Variants in ARHGEF18 observed in about 807,000 individuals in gnomAD.
ARHGEF18 encodes the protein Rho/Rac guanine nucleotide exchange factor 18.
Under a neutral mutation model 155.7 loss-of-function variants are expected in ARHGEF18, and 93 were observed. The observed-to-expected ratio is 0.60, with a 90% confidence interval of 0.50 to 0.71. The LOEUF (loss-of-function observed/expected upper bound fraction) is 0.71, where lower values mean the gene tolerates loss of function less well. ARHGEF18 is among the 30% of genes least tolerant of loss of function. ARHGEF18 has a pLI of 0.00. For synonymous variants in ARHGEF18, 742 were observed against 753.1 expected (o/e 0.99, Z 0.24); for missense variants, 1,593 against 1,816.1 (o/e 0.88, Z 2.23).
intron 10 of ARHGEF18, among the ~76,000 whole-genome samples, chr19:7,412,324 G>A (rs75361499): frequency 1.7e-4 from 6 of 34,704 alleles, no homozygotes; most frequent in Admixed American, 4.3e-4. Context: ...CTATGCTAGG[G>A]TTTTTAGGAA....
At chr19:7,477,204 A>G (rs1599200871), downstream of ARHGEF18, 1 of 1,490,522 alleles carries the variant, frequency 6.7e-7, no homozygotes, top group Admixed American at 2.6e-5. Context: ...CGGCAGTGTC[A>G]GGGGGTAGTG....
chr19:7,367,994 A>G (rs533618479), intron 2 of ARHGEF18, among the ~76,000 whole-genome samples: 2,311 of 75,378 alleles, frequency 0.031, 177 homozygotes, highest in African/African-American at 0.15. Flanking sequence ...AGAGAGAGAG[A>G]GAGAGAGGGA....
At position 7,358,215 on chromosome 19, in the gene ARHGEF18, T is replaced by TTCCA. The variant is rs151337455; in HGVS notation, c.-110-4541_-110-4538dup. On this transcript the variant is annotated intron_variant, in intron 1 of 28. Coordinates refer to ENST00000668164, the MANE Select transcript of ARHGEF18 (RefSeq NM_001367823.1). The stretch of plus-strand genomic sequence containing the variant: ...CAGCCAACTCTTCAACCATCCATCC[T>TTCCA]TCCATCCATCCATCCATCCATCCAT... Among the ~76,000 whole-genome samples, 346 of 142,854 alleles carry TTCCA rather than the reference T, an allele frequency of 2.4e-3. 3 individuals carry two copies. The highest frequency in any genetic ancestry group is 7.4e-3 in the Middle Eastern group (2 of 272). 93.7% of individuals were successfully genotyped at this position (142,854 alleles called of 152,430 possible).
At chr19:7,406,669 C>G (rs551500475) in intron 10 of ARHGEF18, among the ~76,000 whole-genome samples, 2 of 152,266 alleles carry the variant, frequency 1.3e-5, no homozygotes, top group South Asian at 4.1e-4. Flanking sequence ...TATTCAAGCT[C>G]ACACTGTTGC....
At chr19:7,403,553 C>CTTT (rs746180410) in intron 10 of ARHGEF18, among the ~76,000 whole-genome samples, 71 of 122,954 alleles carry the variant, frequency 5.8e-4, no homozygotes, top group African/African-American at 3.0e-3. Context: ...TTCTTTCTTT[C>CTTT]TTTTTTTTTT....
In ARHGEF18 at chr19:7,367,977, A is replaced by AAGAGAGAGAGAG. The variant is rs537429456; in HGVS notation, c.16-4822_16-4811dup. 3.0e-3 allele frequency among the ~76,000 whole-genome samples: 203 copies of AAGAGAGAGAGAG among 66,768 alleles called. 2 individuals are homozygous for AAGAGAGAGAGAG. The highest frequency in any genetic ancestry group is 0.013 in the African/African-American group (175 of 13,102). 43.8% of individuals were successfully genotyped at this position (66,768 alleles called of 152,430 possible). ...CTGGAAAGAAGGAAGAAAGGAAAGA[A>AAGAGAGAGAGAG]AGAGAGAGAGAGAGAGAGAGAGAGG... On this transcript the variant is annotated intron_variant, in intron 2 of 28. Coordinates refer to ENST00000668164, the MANE Select transcript of ARHGEF18 (RefSeq NM_001367823.1).
intron 17 of ARHGEF18, among the ~76,000 whole-genome samples, chr19:7,453,943 G>T (rs1352731825): frequency 6.6e-6 from 1 of 152,240 alleles, no homozygotes; most frequent in East Asian, 1.9e-4. Context: ...TTTATTGGTG[G>T]GTGCCATGTT....
chr19:7,473,990 T>A (rs1977151605), downstream of ARHGEF18, among the ~76,000 whole-genome samples: 1 of 143,538 alleles, frequency 7.0e-6, no homozygotes. Flanking sequence ...CTATAAGAGC[T>A]TAAAAAAAAA....
Position 7,449,130 on chromosome 19 carries a change from G to A in ARHGEF18, c.1737+1962G>A, listed in dbSNP as rs143614884. On this transcript the variant is annotated intron_variant, in intron 15 of 28. Coordinates refer to ENST00000668164, the MANE Select transcript of ARHGEF18 (RefSeq NM_001367823.1). The stretch of plus-strand genomic sequence containing the variant: ...CACGGACTCTTGCAAATCCCACAGC[G>A]GCTCCGGGCCTCTTCAGTGGCTCTC... Among the ~76,000 whole-genome samples the A allele has an allele frequency of 9.3e-3, 1,410 of 152,252 alleles. 18 individuals are homozygous for A. Among genetic ancestry groups the A allele is most frequent in the African/African-American group, 0.032 (1,309 of 41,540 alleles).
chr19:7,456,711 C>T (rs111724362), intron 18 of ARHGEF18, among the ~76,000 whole-genome samples: 12 of 152,180 alleles, frequency 7.9e-5, no homozygotes, highest in East Asian at 3.9e-4. Flanking sequence ...ACTGCTCTCC[C>T]GCCTGGGCAA....
intron 1 of ARHGEF18, among the ~76,000 whole-genome samples, chr19:7,349,555 A>G (rs1965714): frequency 0.025 from 3,849 of 152,016 alleles, 147 homozygotes; most frequent in East Asian, 0.099. Context: ...AGGAGGGCGG[A>G]TCACTTGAGG....
chr19:7,351,184 C>G (rs2145305702), intron 1 of ARHGEF18, among the ~76,000 whole-genome samples: 1 of 152,306 alleles, frequency 6.6e-6, no homozygotes, highest in Admixed American at 6.5e-5. Context: ...CTCACCTATG[C>G]CTTCATACTG....
intron 10 of ARHGEF18, among the ~76,000 whole-genome samples, chr19:7,437,586 G>C (rs35268156): frequency 0.4 from 60,777 of 151,246 alleles, 12,818 homozygotes; most frequent in East Asian, 0.59. Context: ...CATAGACAAG[G>C]CAATGGTGTA....
chr19:7,436,049 A>G (rs79001698), intron 10 of ARHGEF18, among the ~76,000 whole-genome samples: 14,309 of 152,072 alleles, frequency 0.094, 1,568 homozygotes, highest in African/African-American at 0.26. Context: ...TGTTGCCCAG[A>G]CTGGTCTCTA....
At position 7,444,176 on chromosome 19, in the gene ARHGEF18, C is replaced by A. The variant is rs374879363; in HGVS notation, c.1361-28C>A. The A allele has an allele frequency of 6.4e-5, 102 of 1,605,464 alleles. 1 individual carries two copies. The highest frequency in any genetic ancestry group is 8.3e-5 in the Non-Finnish European group (98 of 1,174,398). ...CAGCGGGGCCGTGGAGCCAGCATGG[C>A]TAAGTCCTGCCGTCTGTGTCCCTGC... is the stretch of plus-strand genomic sequence containing the variant. On this transcript the variant is annotated intron_variant, in intron 13 of 28. Coordinates refer to ENST00000668164, the MANE Select transcript of ARHGEF18 (RefSeq NM_001367823.1). The surrounding 1 kb of genome is among the most constrained non-coding windows in gnomAD (Gnocchi z 4.7).
At chr19:7,476,995 G>T, downstream of ARHGEF18, 2 of 427,486 alleles carry the variant, frequency 4.7e-6, no homozygotes, top group Non-Finnish European at 8.2e-6. Flanking sequence ...TGCTGCTGAA[G>T]CCCTGCACGG....
At chr19:7,409,940 A>AT (rs1282530446) in intron 10 of ARHGEF18, among the ~76,000 whole-genome samples, 3 of 123,640 alleles carry the variant, frequency 2.4e-5, no homozygotes, top group South Asian at 2.8e-4. Flanking sequence ...CACCCGGCTA[A>AT]TTTTTTTTGT....
At chr19:7,415,302 A>C (rs921973035) in intron 10 of ARHGEF18, among the ~76,000 whole-genome samples, 15 of 152,036 alleles carry the variant, frequency 9.9e-5, no homozygotes, top group East Asian at 9.7e-4. Context: ...TCCTGAGCGC[A>C]ACACCCCGTG....
chr19:7,443,878 T>A (rs888794117), intron 13 of ARHGEF18, among the ~76,000 whole-genome samples: 3 of 150,100 alleles, frequency 2.0e-5, no homozygotes, highest in Admixed American at 1.3e-4. Flanking sequence ...CACTCCAGCC[T>A]GGGCGACAGA....
Sources: allele counts gnomAD v4.1 joint callset (sites outside exome capture counted in the v4.1 genomes callset), GRCh38; gene constraint gnomAD v4.1.1; non-coding constraint Gnocchi (gnomAD v3.1); transcripts MANE v1.5; gene names NCBI Gene and HGNC (gene_info 2026-07-23, HGNC 2026-07-21).